The following LRRC4C variants were observed in gnomAD, a reference collection of about 807,000 sequenced individuals.
The protein encoded by LRRC4C is leucine-rich repeat-containing protein 4C.
In LRRC4C, 5 loss-of-function variants were observed where a neutral mutation model predicts 33.6. That is an observed-to-expected ratio of 0.15 (90% CI 0.08 to 0.31). The LOEUF (loss-of-function observed/expected upper bound fraction) is 0.31. Ranked by LOEUF, LRRC4C falls within the 10% of genes least tolerant of loss-of-function variation. LRRC4C has a pLI of 1.00. For missense variants in LRRC4C, 560 were observed against 796.7 expected (o/e 0.70, Z 3.58); for synonymous variants, 329 against 302.0 (o/e 1.09, Z -0.93).
At chr11:41,021,242 T>C (rs1260987858) in intron 1 of LRRC4C, among the ~76,000 whole-genome samples, 1 of 146,994 alleles carries the variant, frequency 6.8e-6, no homozygotes, top group Non-Finnish European at 1.5e-5. Flanking sequence ...TTTAAGAAAA[T>C]TTAATTCAGC....
chr11:40,942,894 C>T (rs530520264), intron 1 of LRRC4C, among the ~76,000 whole-genome samples: 25 of 152,226 alleles, frequency 1.6e-4, no homozygotes, highest in African/African-American at 4.8e-4. Context: ...CATTTAACTC[C>T]CCATAACCCC....
chr11:40,777,622 T>C (rs867574956), intron 2 of LRRC4C, among the ~76,000 whole-genome samples: 4 of 151,970 alleles, frequency 2.6e-5, no homozygotes, highest in Admixed American at 2.0e-4. Flanking sequence ...CTCTGAGTCT[T>C]GGGTTGTCAC....
intron 1 of LRRC4C, among the ~76,000 whole-genome samples, chr11:41,076,370 T>A (rs1233628164): frequency 6.6e-6 from 1 of 152,210 alleles, no homozygotes. Context: ...GGGTAATTGA[T>A]GAATTAAAGA....
intron 1 of LRRC4C, among the ~76,000 whole-genome samples, chr11:41,389,580 C>T (rs925094174): frequency 7.7e-6 from 1 of 129,922 alleles, no homozygotes; most frequent in African/African-American, 2.9e-5. Flanking sequence ...GATATACTTT[C>T]CTTATTTCTC....
chr11:41,442,468 T>TTTTCTTTTTTTTTTTTTTTTTTTTTTTTC (rs3040490), intron 1 of LRRC4C, among the ~76,000 whole-genome samples: 1 of 106,534 alleles, frequency 9.4e-6, no homozygotes. Context: ...CTTTTTTTTT[T>TTTTCTTTTTTTTTTTTTTTTTTTTTTTTC]TTTTTTTTTT....
At chr11:40,994,714 C>T (rs1367715435) in intron 1 of LRRC4C, among the ~76,000 whole-genome samples, 1 of 152,052 alleles carries the variant, frequency 6.6e-6, no homozygotes, top group African/African-American at 2.4e-5. Context: ...TCTTTTAAAG[C>T]CAAAATATTA....
intron 3 of LRRC4C, among the ~76,000 whole-genome samples, chr11:40,510,452 A>G (rs1955258067): frequency 2.0e-5 from 3 of 152,162 alleles, no homozygotes; most frequent in Admixed American, 2.0e-4. Flanking sequence ...ATTTTACTCA[A>G]TATTTCCTTT....
intron 1 of LRRC4C, among the ~76,000 whole-genome samples, chr11:41,061,181 C>A (rs1331596390): frequency 6.6e-6 from 1 of 152,032 alleles, no homozygotes. Flanking sequence ...ATGGTCTATT[C>A]TCATGTAAGT....
chr11:40,881,241 G>A (rs981407516), intron 2 of LRRC4C, among the ~76,000 whole-genome samples: 4 of 152,028 alleles, frequency 2.6e-5, no homozygotes, highest in Non-Finnish European at 5.9e-5. Flanking sequence ...AGAAATGTGA[G>A]GAGGGACTGT....
intron 2 of LRRC4C, among the ~76,000 whole-genome samples, chr11:40,757,698 T>C (rs775327234): frequency 6.6e-6 from 1 of 151,646 alleles, no homozygotes; most frequent in Non-Finnish European, 1.5e-5. Context: ...TTACAATGAC[T>C]AGGGCAGGAG....
intron 1 of LRRC4C, among the ~76,000 whole-genome samples, chr11:41,341,301 T>C (rs1367168442): frequency 2.3e-4 from 35 of 152,104 alleles, no homozygotes; most frequent in Non-Finnish European, 1.5e-5. Flanking sequence ...AACTAAAAAA[T>C]AGATCATCAG....
At chr11:41,139,104 T>C (rs915414059) in intron 1 of LRRC4C, among the ~76,000 whole-genome samples, 2 of 152,178 alleles carry the variant, frequency 1.3e-5, no homozygotes, top group Non-Finnish European at 1.5e-5. Flanking sequence ...TTAAAAGCCA[T>C]ATATAAAGTG....
At position 40,696,748 on chromosome 11, in the gene LRRC4C, G is replaced by GTATATATA. The variant is rs57752272; in HGVS notation, c.-406-48478_-406-48471dup. On this transcript the variant is annotated intron_variant, in intron 2 of 6. Coordinates refer to ENST00000528697, the MANE Select transcript of LRRC4C (RefSeq NM_001258419.2). ...GTCTCTGTGCATATATATACACTGT[G>GTATATATA]TATATATATATATATATATATATAT... is the stretch of plus-strand genomic sequence containing the variant. Among the ~76,000 whole-genome samples the GTATATATA allele has an allele frequency of 1.0e-2, 1,257 of 125,840 alleles. 9 individuals carry two copies. The highest frequency in any genetic ancestry group is 0.014 in the Non-Finnish European group (845 of 60,858). The allele number at this position is 125,840 out of a possible 152,430, so 82.6% of individuals were successfully genotyped here. A position where few individuals can be genotyped will look rare whatever the true frequency, so the allele number is the denominator to read the frequency against.
At chr11:40,592,194 G>A (rs1959090355) in intron 3 of LRRC4C, among the ~76,000 whole-genome samples, 1 of 152,186 alleles carries the variant, frequency 6.6e-6, no homozygotes, top group Non-Finnish European at 1.5e-5. Context: ...AATGGCAAAA[G>A]TAACAGGTGC....
At chr11:41,202,607 C>A (rs1184166491) in intron 1 of LRRC4C, among the ~76,000 whole-genome samples, 2 of 151,970 alleles carry the variant, frequency 1.3e-5, no homozygotes, top group East Asian at 3.9e-4. Flanking sequence ...TGCTAAATAT[C>A]CTTCTGCTTG....
chr11:40,591,025 T>C (rs1188017090), intron 3 of LRRC4C, among the ~76,000 whole-genome samples: 1 of 152,146 alleles, frequency 6.6e-6, no homozygotes, highest in Non-Finnish European at 1.5e-5. Flanking sequence ...GCTTCCTGGC[T>C]GCTTTGTTTA....
In LRRC4C at chr11:40,655,686, C is replaced by A. The variant is rs183212575; in HGVS notation, c.-406-7408G>T. ...ACTGGCACAACAGGAGGAAAAGAATCATTTCTTATTATTCCCACGTGAAGA... is the reference window on the plus strand; with the variant it reads ...ACTGGCACAACAGGAGGAAAAGAATAATTTCTTATTATTCCCACGTGAAGA... On this transcript the variant is annotated intron_variant, in intron 2 of 6. Coordinates refer to ENST00000528697, the MANE Select transcript of LRRC4C (RefSeq NM_001258419.2). Among the ~76,000 whole-genome samples, 389 of 152,252 alleles carry A rather than the reference C, an allele frequency of 2.6e-3. 1 individual carries two copies. Among genetic ancestry groups the A allele is most frequent in the Admixed American group, 3.6e-3 (55 of 15,286 alleles).
At chr11:40,758,969 T>C (rs1949070996) in intron 2 of LRRC4C, among the ~76,000 whole-genome samples, 1 of 151,504 alleles carries the variant, frequency 6.6e-6, no homozygotes, top group Admixed American at 6.6e-5. Flanking sequence ...TTCTTTTATA[T>C]ATTCAGTCTC....
intron 3 of LRRC4C, among the ~76,000 whole-genome samples, chr11:40,414,206 C>T (rs1237418088): frequency 2.0e-5 from 3 of 151,842 alleles, no homozygotes; most frequent in Non-Finnish European, 4.4e-5. Flanking sequence ...CCTTTAAAAT[C>T]GTGTTGTAAA....
Sources: allele counts gnomAD v4.1 joint callset (sites outside exome capture counted in the v4.1 genomes callset), GRCh38; gene constraint gnomAD v4.1.1; transcripts MANE v1.5; gene names NCBI Gene and HGNC (gene_info 2026-07-23, HGNC 2026-07-21).